The following PDGFRA variants were observed in gnomAD, a reference collection of about 807,000 sequenced individuals.
PDGFRA encodes the protein platelet-derived growth factor receptor alpha.
Under a neutral mutation model 121.5 loss-of-function variants are expected in PDGFRA, and 25 were observed. The observed-to-expected ratio is 0.21, with a 90% confidence interval of 0.15 to 0.29. PDGFRA has a LOEUF of 0.29. Among genes scored for constraint, PDGFRA ranks in the 10% least tolerant of loss-of-function variants. PDGFRA has a pLI of 1.00. For missense variants in PDGFRA, 1,008 were observed against 1,345.1 expected (o/e 0.75, Z 3.92); for synonymous variants, 463 against 494.8 (o/e 0.94, Z 0.85).
At chr4:54,249,897 T>C (rs1347465276) in intron 1 of PDGFRA, among the ~76,000 whole-genome samples, 1 of 152,156 alleles carries the variant, frequency 6.6e-6, no homozygotes, top group Non-Finnish European at 1.5e-5. Flanking sequence ...TCTAGAGCAC[T>C]GATCTACTCT....
Position 54,287,877 on chromosome 4 carries a change from G to A in PDGFRA, c.2674+336G>A, listed in dbSNP as rs149020631. 6.1e-3 allele frequency among the ~76,000 whole-genome samples: 925 copies of A among 152,244 alleles called. 5 individuals are homozygous for A. The highest frequency in any genetic ancestry group is 0.011 in the Non-Finnish European group (717 of 68,026). On this transcript the variant is annotated intron_variant, in intron 19 of 22. Coordinates refer to ENST00000257290, the MANE Select transcript of PDGFRA (RefSeq NM_006206.6). Reference sequence around the variant, plus strand: ...TCATTTTGGGCTTTGGGTCACATGGGTTCACCCATGGAGAGTGGGCCCTCC... The same window carrying A: ...TCATTTTGGGCTTTGGGTCACATGGATTCACCCATGGAGAGTGGGCCCTCC...
intron 7 of PDGFRA, among the ~76,000 whole-genome samples, chr4:54,270,059 G>A (rs1249058255): frequency 6.6e-6 from 1 of 152,046 alleles, no homozygotes; most frequent in Non-Finnish European, 1.5e-5. Flanking sequence ...CAGCTGCCCA[G>A]TTCTCCCCTC....
rs774580779 is a variant in PDGFRA at position 54,261,077 on chromosome 4, G to C, written c.50-18G>C. The C allele has an allele frequency of 2.5e-6, 4 of 1,611,622 alleles. No individual in the cohort carries two copies. The highest frequency in any genetic ancestry group is 3.4e-6 in the Non-Finnish European group (4 of 1,177,754). On this transcript the variant is annotated intron_variant, in intron 2 of 22. Coordinates refer to ENST00000257290, the MANE Select transcript of PDGFRA (RefSeq NM_006206.6). ...CCTTTCTGACTGCATCCTATTCAGAGCGTGCTTCCTTTTGCAGGGCTGAGC... is the reference window on the plus strand; with the variant it reads ...CCTTTCTGACTGCATCCTATTCAGACCGTGCTTCCTTTTGCAGGGCTGAGC...
chr4:54,272,411 G>A lies in PDGFRA; in HGVS notation c.1255G>A (p.Asp419Asn). 6.2e-7 allele frequency: 1 copy of A among 1,613,928 alleles called. No individual in the cohort carries two copies. Among genetic ancestry groups the A allele is most frequent in the Non-Finnish European group, 8.5e-7 (1 of 1,180,000 alleles). ...TCTTGCAGTTCCTTCATCCATTCTG[G>A]ACTTGGTCGATGATCACCATGGCTC... Reference protein sequence around the residue: ...LLTQVPSSILDLVDDHHGSTG... With the variant: ...LLTQVPSSILNLVDDHHGSTG... Residue 419 changes from aspartate (D) to asparagine (N), a missense_variant, in exon 9 of 23, where the codon GAC becomes AAC. Coordinates refer to ENST00000257290, the MANE Select transcript of PDGFRA (RefSeq NM_006206.6).
chr4:54,273,510 C>T (rs2110291111), intron 9 of PDGFRA, 27 bp from the exon 10 acceptor site: 1 of 1,597,990 alleles, frequency 6.3e-7, no homozygotes, highest in Non-Finnish European at 8.6e-7. Context: ...GGAATTGGCC[C>T]TATACTTAGG....
At chr4:54,245,634 G>C (rs1170909544) in intron 1 of PDGFRA, among the ~76,000 whole-genome samples, 11 of 152,100 alleles carry the variant, frequency 7.2e-5, no homozygotes, top group African/African-American at 2.7e-4. Flanking sequence ...GACCATTGAG[G>C]CTAGGAAGAA....
At chr4:54,290,639 G>T (rs1246485157) in intron 22 of PDGFRA, 85 bp downstream of exon 22, 1 of 1,473,662 alleles carries the variant, frequency 6.8e-7, no homozygotes, top group East Asian at 2.3e-5. Flanking sequence ...CGATAATGGT[G>T]CACTCCCGGT....
intron 1 of PDGFRA, among the ~76,000 whole-genome samples, chr4:54,252,599 A>AG (rs1359426367): frequency 1.3e-5 from 2 of 152,154 alleles, no homozygotes; most frequent in Non-Finnish European, 2.9e-5. Context: ...CAGAAAAAAA[A>AG]GAAGATGTGT....
Position 54,290,459 on chromosome 4 carries a change from G to A in PDGFRA, c.3027G>A (p.Glu1009=), listed in dbSNP as rs928713402. 1.5e-5 allele frequency: 24 copies of A among 1,613,906 alleles called. No individual in the cohort carries two copies. Among genetic ancestry groups the A allele is most frequent in the Non-Finnish European group, 1.9e-5 (22 of 1,179,854 alleles). Reference sequence around the variant, plus strand: ...AGGACTGGGAGGGTGGTCTGGATGAGCAGAGACTGAGCGCTGACAGTGGCT... The same window carrying A: ...AGGACTGGGAGGGTGGTCTGGATGAACAGAGACTGAGCGCTGACAGTGGCT... ...KLKDWEGGLD[E]QRLSADSGYI... The change falls in exon 22 of 23, where the codon GAG becomes GAA. Residue 1009 remains glutamate, a synonymous_variant. Coordinates refer to ENST00000257290, the MANE Select transcript of PDGFRA (RefSeq NM_006206.6).
chr4:54,279,557 A>T (rs549228993), intron 15 of PDGFRA, among the ~76,000 whole-genome samples: 30 of 152,064 alleles, frequency 2.0e-4, no homozygotes, highest in South Asian at 1.9e-3. Flanking sequence ...TATTTAAAAA[A>T]TTTTTTTATT....
chr4:54,275,052 A>G (rs1723647547), intron 12 of PDGFRA, 79 bp downstream of exon 12: 1 of 1,475,920 alleles, frequency 6.8e-7, no homozygotes, highest in Non-Finnish European at 9.4e-7. Flanking sequence ...TTGGCAGAAT[A>G]GAGATCTGAG....
chr4:54,265,098 C>G (rs1722964019), intron 5 of PDGFRA, 49 bp downstream of exon 5: 2 of 1,597,248 alleles, frequency 1.3e-6, no homozygotes, highest in Admixed American at 3.3e-5. Flanking sequence ...CAACAGGGCT[C>G]AGAAGACCTG....
intron 1 of PDGFRA, chr4:54,230,262 C>G (rs925631162): frequency 1.3e-5 from 2 of 152,844 alleles, no homozygotes; most frequent in African/African-American, 4.8e-5. Context: ...TCGGGTTGCA[C>G]GCCCTAGCGC....
rs1724411040 is a variant in PDGFRA, at chr4:54,287,373, T to C, written c.2563-57T>C. Reference sequence around the variant, plus strand: ...AAGGGGAACCCTTTTCTATTTCCACTGCTGTGGATCATCAGTGAGTAGACA... The same window carrying C: ...AAGGGGAACCCTTTTCTATTTCCACCGCTGTGGATCATCAGTGAGTAGACA... On this transcript the variant is annotated intron_variant, in intron 18 of 22. Transcript: ENST00000257290. 1.5e-5 allele frequency: 12 copies of C among 795,398 alleles called. No homozygotes were observed. The South Asian group carries it at 1.6e-4, about 11-fold the overall frequency. 49.3% of individuals were successfully genotyped at this position (795,398 alleles called of 1,614,324 possible).
In PDGFRA at chr4:54,295,639, C is replaced by CT. The variant is rs533049475; in HGVS notation, c.*368dup. ...CAGCATTGTAATTATGTAAATAACT[C>CT]TAACCAAGGCTGTGTTTAGATTGTA... is the stretch of plus-strand genomic sequence containing the variant. On this transcript the variant is annotated 3_prime_UTR_variant, in exon 23 of 23. Coordinates refer to ENST00000257290, the MANE Select transcript of PDGFRA (RefSeq NM_006206.6). The CT allele has an allele frequency of 1.0e-5, 4 of 382,820 alleles. No individual in the cohort carries two copies. Among genetic ancestry groups the CT allele is most frequent in the Non-Finnish European group, 1.9e-5 (4 of 206,070 alleles). The allele number at this position is 382,820 out of a possible 1,614,324, so 23.7% of individuals were successfully genotyped here.
At chr4:54,244,698 A>G (rs1346821480) in intron 1 of PDGFRA, among the ~76,000 whole-genome samples, 6 of 152,254 alleles carry the variant, frequency 3.9e-5, no homozygotes, top group African/African-American at 1.4e-4. Context: ...CTCACCAGCA[A>G]TGGAACAAAG....
chr4:54,264,930 CTGGATCTAGAAA>C lies in PDGFRA; in HGVS notation c.645_656del (p.Asp215_Met218del). The C allele has an allele frequency of 6.2e-7, 1 of 1,612,270 alleles. No individual in the cohort carries two copies. On this transcript the variant is annotated inframe_deletion, in exon 5 of 23. Coordinates refer to ENST00000257290, the MANE Select transcript of PDGFRA (RefSeq NM_006206.6). ...GTTCTTTTTTATAGCAACATCAGAG[CTGGATCTAGAAA>C]TGGAAGCTCTTAAAACCGTGTATAA...
intron 16 of PDGFRA, among the ~76,000 whole-genome samples, chr4:54,284,178 C>G (rs1053806603): frequency 2.0e-5 from 3 of 152,156 alleles, no homozygotes; most frequent in Non-Finnish European, 2.9e-5. Context: ...ACCTTGGCAG[C>G]CTGGATTTCA....
At chr4:54,246,753 C>G (rs1721695385) in intron 1 of PDGFRA, among the ~76,000 whole-genome samples, 1 of 151,450 alleles carries the variant, frequency 6.6e-6, no homozygotes, top group Non-Finnish European at 1.5e-5. Flanking sequence ...ACAAAAAACC[C>G]TTCAAAAAAT....
Sources: gnomAD v4.1 joint callset for allele counts (sites outside exome capture counted in the v4.1 genomes callset) on GRCh38, gnomAD v4.1.1 for gene constraint, MANE v1.5 for transcripts, NCBI Gene and HGNC (gene_info 2026-07-23, HGNC 2026-07-21) for gene names.